Variants in LATS2 observed in about 807,000 individuals in gnomAD.
LATS2 encodes serine/threonine-protein kinase LATS2.
In LATS2, 24 loss-of-function variants were observed where a neutral mutation model predicts 76.0. The observed-to-expected ratio is 0.32, with a 90% CI of 0.23 to 0.44. The LOEUF (loss-of-function observed/expected upper bound fraction) is 0.44. LATS2 is among the 20% of genes least tolerant of loss of function. The pLI is 1.00. For synonymous variants in LATS2, 692 were observed against 635.4 expected (o/e 1.09, Z -1.34); for missense variants, 1,286 against 1,481.2 (o/e 0.87, Z 2.16).
At position 20,981,974 on chromosome 13, in the gene LATS2, C is replaced by T. The variant is rs376637368; in HGVS notation, c.2483-326G>A. Among the ~76,000 whole-genome samples the T allele has an allele frequency of 9.2e-5, 14 of 152,246 alleles. No homozygotes were observed. The East Asian group carries it at 9.7e-4, about 11-fold the overall frequency. On this transcript the variant is annotated intron_variant, in intron 5 of 7. Transcript: ENST00000382592. ...AGAACTGCGGGGACAGCACTCCTAG[C>T]GCTTAGGCCATAATCAAAAGGTAAC...
chr13:21,018,962 G>C (rs989255790), intron 2 of LATS2, among the ~76,000 whole-genome samples: 12 of 151,976 alleles, frequency 7.9e-5, no homozygotes, highest in Non-Finnish European at 1.8e-4. Flanking sequence ...CCCTCTTTAC[G>C]ACTAATTTTC....
At chr13:21,048,467 A>G (rs1024319685) in intron 1 of LATS2, among the ~76,000 whole-genome samples, 4 of 152,164 alleles carry the variant, frequency 2.6e-5, no homozygotes, top group Non-Finnish European at 5.9e-5. Context: ...TTCATGCTCA[A>G]AATACATTCA....
intron 2 of LATS2, among the ~76,000 whole-genome samples, chr13:20,993,674 G>A (rs1870610383): frequency 6.6e-6 from 1 of 152,150 alleles, no homozygotes; most frequent in Non-Finnish European, 1.5e-5. Context: ...TTTACAACCT[G>A]GAAGAGTTGC....
At chr13:20,975,850 A>C (rs1189644456) in intron 7 of LATS2, among the ~76,000 whole-genome samples, 1 of 151,966 alleles carries the variant, frequency 6.6e-6, no homozygotes, top group African/African-American at 2.4e-5. Context: ...CACCCGGCTG[A>C]TTTTTGTATT....
At chr13:20,997,593 C>T (rs994046606) in intron 2 of LATS2, among the ~76,000 whole-genome samples, 32 of 152,302 alleles carry the variant, frequency 2.1e-4, no homozygotes, top group African/African-American at 5.8e-4. Flanking sequence ...TGCTGTCCCT[C>T]GGGGAAGCTG....
chr13:21,021,514 A>C (rs1259521809), intron 2 of LATS2, among the ~76,000 whole-genome samples: 2 of 150,480 alleles, frequency 1.3e-5, no homozygotes, highest in East Asian at 3.9e-4. Flanking sequence ...AGCTTTGTAA[A>C]AGGCATTTCT....
intron 2 of LATS2, among the ~76,000 whole-genome samples, chr13:20,995,684 C>T (rs1376131054): frequency 1.3e-5 from 2 of 152,218 alleles, no homozygotes; most frequent in African/African-American, 4.8e-5. Flanking sequence ...AGGTACACAG[C>T]AGAGATGCAC....
At chr13:20,982,516 G>A (rs1433327472) in intron 5 of LATS2, among the ~76,000 whole-genome samples, 2 of 151,986 alleles carry the variant, frequency 1.3e-5, no homozygotes, top group Non-Finnish European at 2.9e-5. Context: ...TCTCCACGTT[G>A]GTCAGGCTGG....
At chr13:20,989,802 A>AT (rs1870429249) in intron 3 of LATS2, among the ~76,000 whole-genome samples, 1 of 152,182 alleles carries the variant, frequency 6.6e-6, no homozygotes, top group South Asian at 2.1e-4. Context: ...TCTTTTCCAA[A>AT]TTAAAAGACT....
At chr13:21,024,154 C>A (rs1286414742) in intron 2 of LATS2, among the ~76,000 whole-genome samples, 1 of 149,614 alleles carries the variant, frequency 6.7e-6, no homozygotes, top group Non-Finnish European at 1.5e-5. Flanking sequence ...CAGGAATGGG[C>A]CGGGCATAGT....
At chr13:21,050,829 T>C (rs1873247996) in intron 1 of LATS2, among the ~76,000 whole-genome samples, 1 of 152,184 alleles carries the variant, frequency 6.6e-6, no homozygotes, top group South Asian at 2.1e-4. Context: ...AGAAGTTTTT[T>C]GTTTCTATAT....
rs375527776 is a variant in LATS2 at position 20,989,050 on chromosome 13, C to A, written c.730G>T (p.Ala244Ser). Residue 244 changes from alanine to serine, a missense_variant, in exon 4 of 8, where the codon GCA (alanine) becomes TCA (serine). Ala to Ser is a moderately conservative substitution (Grantham distance 99). Transcript: ENST00000382592. ...GYGASVEAAG[A>S]HFPLQGAHYG... Reference sequence around the variant, plus strand: ...TGCGCGCCCTGCAGCGGGAAGTGTGCCCCTGCTGCCTCTACGCTGGCACCG... The same window carrying A: ...TGCGCGCCCTGCAGCGGGAAGTGTGACCCTGCTGCCTCTACGCTGGCACCG... 4 of 1,573,826 alleles carry A rather than the reference C, an allele frequency of 2.5e-6. No homozygotes were observed. The highest frequency in any genetic ancestry group is 2.6e-6 in the Non-Finnish European group (3 of 1,165,444).
intron 2 of LATS2, among the ~76,000 whole-genome samples, chr13:21,022,044 G>A (rs587289): frequency 0.34 from 51,559 of 151,988 alleles, 9,394 homozygotes; most frequent in East Asian, 0.55. Flanking sequence ...ATAGAAAGAT[G>A]AAATAGGAGA....
chr13:21,016,834 GAACT>G (rs906208570), intron 2 of LATS2, among the ~76,000 whole-genome samples: 4 of 152,140 alleles, frequency 2.6e-5, no homozygotes, highest in African/African-American at 9.7e-5. Context: ...CACAACACCT[GAACT>G]AACTCTCTTT....
At chr13:21,008,690 G>A (rs1454953945) in intron 2 of LATS2, among the ~76,000 whole-genome samples, 1 of 152,134 alleles carries the variant, frequency 6.6e-6, no homozygotes. Context: ...TCTGACAACA[G>A]CAAGTGTTGG....
intron 2 of LATS2, among the ~76,000 whole-genome samples, chr13:21,031,725 C>T (rs186494250): frequency 3.3e-4 from 50 of 152,076 alleles, no homozygotes; most frequent in African/African-American, 1.1e-3. Flanking sequence ...CTGAGCGTGG[C>T]GAAGTGTGCC....
chr13:21,022,515 T>C (rs1212973522), intron 2 of LATS2, among the ~76,000 whole-genome samples: 1 of 152,226 alleles, frequency 6.6e-6, no homozygotes, highest in East Asian at 1.9e-4. Flanking sequence ...CAGGTGGACC[T>C]TGGACCCACT....
At chr13:20,987,756 T>C (rs1401853203) in intron 4 of LATS2, 125 bp downstream of exon 4, 12 of 1,101,516 alleles carry the variant, frequency 1.1e-5, no homozygotes, top group Non-Finnish European at 1.5e-5. Context: ...AACCAGACTG[T>C]CGCCCATTAG....
At chr13:21,016,586 T>C (rs1208365150) in intron 2 of LATS2, among the ~76,000 whole-genome samples, 2 of 152,184 alleles carry the variant, frequency 1.3e-5, no homozygotes, top group African/African-American at 4.8e-5. Flanking sequence ...AGCCAGTTCA[T>C]TCCTTTAAAA....
Sources: allele counts gnomAD v4.1 joint callset (sites outside exome capture counted in the v4.1 genomes callset), GRCh38; gene constraint gnomAD v4.1.1; transcripts MANE v1.5; gene names NCBI Gene and HGNC (gene_info 2026-07-23, HGNC 2026-07-21).